The following STARD9 variants were observed in gnomAD, a reference collection of about 807,000 sequenced individuals.
The protein encoded by STARD9 is StAR related lipid transfer domain containing 9, also known as stAR-related lipid transfer protein 9.
Under a neutral mutation model 399.8 loss-of-function variants are expected in STARD9, and 346 were observed. That is an observed-to-expected ratio of 0.87 (90% CI 0.79 to 0.95). The LOEUF (loss-of-function observed/expected upper bound fraction) is 0.95. Among genes scored for constraint, STARD9 ranks in the 40% least tolerant of loss-of-function variants. The pLI, the probability that STARD9 is intolerant of heterozygous loss-of-function variation, is 0.00. For synonymous variants in STARD9, 2,203 were observed against 2,143.5 expected, an observed-to-expected ratio of 1.03 and a Z score of -0.77; for missense variants, 5,832 against 5,667.5, an observed-to-expected ratio of 1.03 and a Z score of -0.93.
chr15:42,581,283 T>C, intron 1 of STARD9: 1 of 1,048,646 alleles, frequency 9.5e-7, no homozygotes. Context: ...AGGTGGGGTC[T>C]GAGCCATGGA....
intron 26 of STARD9, among the ~76,000 whole-genome samples, chr15:42,713,148 A>T (rs936126460): frequency 2.6e-5 from 4 of 152,294 alleles, no homozygotes; most frequent in Non-Finnish European, 4.4e-5. Context: ...TATAAGTTTT[A>T]TGCTTATTTT....
At chr15:42,613,648 T>A (rs890387554) in intron 3 of STARD9, among the ~76,000 whole-genome samples, 1 of 152,160 alleles carries the variant, frequency 6.6e-6, no homozygotes, top group Admixed American at 6.5e-5. Context: ...CTGTTGTCAT[T>A]ATTGACTTCT....
At chr15:42,599,360 G>A (rs909406276) in intron 3 of STARD9, among the ~76,000 whole-genome samples, 2 of 152,154 alleles carry the variant, frequency 1.3e-5, no homozygotes, top group African/African-American at 2.4e-5. Context: ...GTGAGGGCTC[G>A]TTCTTTCTCA....
Position 42,685,719 on chromosome 15 carries a change from G to A in STARD9, c.4141G>A (p.Glu1381Lys), listed in dbSNP as rs778011944. 1.7e-5 allele frequency: 26 copies of A among 1,537,418 alleles called. No homozygotes were observed. The highest frequency in any genetic ancestry group is 4.8e-5 in the South Asian group (4 of 84,056). Residue 1381 changes from glutamate (E) to lysine (K), a missense_variant, in exon 23 of 33, where the codon GAG becomes AAG. Physicochemically the swap from Glu to Lys is moderately conservative, Grantham distance 56. Transcript: ENST00000290607. ...GAGGCCTGGATACTGGCCAAATACT[G>A]AGGAACTAAAGCCATCAGATGCAGA... is the stretch of plus-strand genomic sequence containing the variant. ...GERPGYWPNT[E>K]ELKPSDAETV... is the part of the protein sequence containing the mutation.
chr15:42,691,254 T>C lies in STARD9; in HGVS notation c.9676T>C (p.Phe3226Leu), dbSNP rs1050170823. The C allele has an allele frequency of 2.3e-5, 36 of 1,537,104 alleles. No individual in the cohort carries two copies. Among genetic ancestry groups the C allele is most frequent in the Non-Finnish European group, 2.8e-5 (32 of 1,146,900 alleles). ...RDQASGGGEG[F>L]AQGVNPLPDE... The stretch of plus-strand genomic sequence containing the variant: ...CCAGGCTTCAGGTGGTGGAGAAGGC[T>C]TCGCCCAGGGTGTGAATCCCCTTCC... The change falls in exon 23 of 33, where the codon TTC becomes CTC. Residue 3226 changes from phenylalanine (F) to leucine (L), a missense_variant. By Grantham distance (22) the Phe-to-Leu change is conservative. Coordinates refer to ENST00000290607, the MANE Select transcript of STARD9 (RefSeq NM_020759.3).
chr15:42,680,064 G>A (rs1192662836), intron 20 of STARD9, among the ~76,000 whole-genome samples: 2 of 152,158 alleles, frequency 1.3e-5, no homozygotes, highest in African/African-American at 4.8e-5. Context: ...GCCTCTGGCA[G>A]AATCTGACTC....
chr15:42,663,055 G>C, intron 11 of STARD9, 164 bp downstream of exon 11: 1 of 692,412 alleles, frequency 1.4e-6, no homozygotes, highest in South Asian at 2.0e-5. Context: ...GTAGAATGCT[G>C]TCCTACTACC....
Position 42,686,734 on chromosome 15 carries a change from T to G in STARD9, c.5156T>G (p.Leu1719Arg). 1.3e-6 allele frequency: 2 copies of G among 1,537,574 alleles called. No homozygotes were observed. The highest frequency in any genetic ancestry group is 1.2e-5 in the South Asian group (1 of 84,036). The change falls in exon 23 of 33, where the codon CTT becomes CGT. Residue 1719 changes from leucine (L) to arginine (R), a missense_variant. This residue lies in a region of STARD9 where 5,828 missense variants were observed against 5,651.1 expected (regional missense o/e 1.03). Coordinates refer to ENST00000290607, the MANE Select transcript of STARD9 (RefSeq NM_020759.3). ...VRRHINVSFA[L>R]PSGPELYLHS... The stretch of plus-strand genomic sequence containing the variant: ...AGACACATAAATGTTTCCTTTGCCC[T>G]TCCTTCAGGTCCAGAGCTATACCTT...
At chr15:42,621,198 C>T (rs1008954700) in intron 3 of STARD9, among the ~76,000 whole-genome samples, 1 of 152,022 alleles carries the variant, frequency 6.6e-6, no homozygotes, top group Non-Finnish European at 1.5e-5. Flanking sequence ...GTTACTCTTT[C>T]TCTTCTTTGT....
At chr15:42,619,417 T>A (rs1196200263) in intron 3 of STARD9, among the ~76,000 whole-genome samples, 3 of 151,944 alleles carry the variant, frequency 2.0e-5, no homozygotes, top group Non-Finnish European at 4.4e-5. Flanking sequence ...AAAAAAAAAT[T>A]AGCCGGGCAT....
rs1179318725 is a variant in STARD9, at chr15:42,682,197, C to T, written c.2159C>T (p.Ser720Phe). 1.3e-6 allele frequency: 2 copies of T among 1,537,272 alleles called. No individual in the cohort carries two copies. The highest frequency in any genetic ancestry group is 2.0e-5 in the Admixed American group (1 of 51,012). ...GTAGCAGAGAAAGAACTTGAGGCATCTGTGGCACTTGATGCTTGGCTTCAG... is the reference window on the plus strand; with the variant it reads ...GTAGCAGAGAAAGAACTTGAGGCATTTGTGGCACTTGATGCTTGGCTTCAG... ...DQVAEKELEA[S>F]VALDAWLQTD... Residue 720 changes from serine to phenylalanine, a missense_variant, in exon 22 of 33, where the codon TCT (serine) becomes TTT (phenylalanine). By Grantham distance (155) the Ser-to-Phe change is radical. This residue lies in a region of STARD9 where 5,828 missense variants were observed against 5,651.1 expected (regional missense o/e 1.03). Coordinates refer to ENST00000290607, the MANE Select transcript of STARD9 (RefSeq NM_020759.3).
Position 42,687,545 on chromosome 15 carries a change from TAGCTC to T in STARD9, c.5970_5974del (p.Ser1990ArgfsTer4). On this transcript the variant is annotated frameshift_variant, in exon 23 of 33. Coordinates refer to ENST00000290607, the MANE Select transcript of STARD9 (RefSeq NM_020759.3). LOFTEE classifies it high-confidence loss of function. Reference sequence around the variant, plus strand: ...TTGAAAAAGGTCTTCGTCCCAAAGATAGCTCAGAAGAGTTTAAGCTTCCAGGTACA... The same window carrying T: ...TTGAAAAAGGTCTTCGTCCCAAAGATAGAAGAGTTTAAGCTTCCAGGTACA... The T allele has an allele frequency of 6.5e-7, 1 of 1,536,998 alleles. No homozygotes were observed. The highest frequency in any genetic ancestry group is 1.4e-5 in the African/African-American group (1 of 73,156).
At chr15:42,642,797 G>A (rs989714831) in intron 7 of STARD9, among the ~76,000 whole-genome samples, 2 of 151,862 alleles carry the variant, frequency 1.3e-5, no homozygotes, top group African/African-American at 2.4e-5. Flanking sequence ...AGTTTTTTTT[G>A]TGGTGGTGTT....
At position 42,638,057 on chromosome 15, in the gene STARD9, C is replaced by T. The variant is rs1485608774; in HGVS notation, c.416C>T (p.Ser139Leu). 6.5e-7 allele frequency: 1 copy of T among 1,537,332 alleles called. No homozygotes were observed. The highest frequency in any genetic ancestry group is 2.0e-5 in the Admixed American group (1 of 50,986). ...TTCGTCAGGGAGAAAGACTGTGCCT[C>T]ACTGCCTTCCTCCTGTAGGATAAAA... ...GLFVREKDCA[S>L]LPSSCRIKVS... Residue 139 changes from serine (S) to leucine (L), a missense_variant, in exon 6 of 33, where the codon TCA (serine) becomes TTA (leucine). Ser to Leu is a moderately radical substitution (Grantham distance 145). Transcript: ENST00000290607.
At chr15:42,677,158 G>GGAGGCT (rs1469648901) in intron 20 of STARD9, among the ~76,000 whole-genome samples, 1 of 149,466 alleles carries the variant, frequency 6.7e-6, no homozygotes, top group Non-Finnish European at 1.5e-5. Flanking sequence ...TAGCCACTCA[G>GGAGGCT]GAGGCTGAGG....
chr15:42,621,480 C>T (rs1049050270), intron 3 of STARD9, among the ~76,000 whole-genome samples: 11 of 152,174 alleles, frequency 7.2e-5, no homozygotes, highest in Non-Finnish European at 1.3e-4. Context: ...CCTAGAACTA[C>T]GATAGGTTCA....
intron 2 of STARD9, 105 bp downstream of exon 2, chr15:42,583,520 G>A (rs2058215471): frequency 1.3e-6 from 1 of 777,868 alleles, no homozygotes; most frequent in Non-Finnish European, 2.1e-6. Flanking sequence ...GAGTTGGGGA[G>A]GAAGGGGTAT....
At chr15:42,610,363 T>C (rs965276280) in intron 3 of STARD9, among the ~76,000 whole-genome samples, 1 of 152,110 alleles carries the variant, frequency 6.6e-6, no homozygotes, top group Non-Finnish European at 1.5e-5. Context: ...AAGCCCTCTT[T>C]CCTTTCGGCA....
intron 7 of STARD9, among the ~76,000 whole-genome samples, chr15:42,642,075 T>C (rs185982785): frequency 6.6e-6 from 1 of 152,334 alleles, no homozygotes; most frequent in East Asian, 1.9e-4. Flanking sequence ...ATATATCTTA[T>C]CTATCTGCCT....
Sources: allele counts gnomAD v4.1 joint callset (sites outside exome capture counted in the v4.1 genomes callset), GRCh38; gene constraint gnomAD v4.1.1; regional missense constraint gnomAD v4.1.1; transcripts MANE v1.5; gene names NCBI Gene and HGNC (gene_info 2026-07-23, HGNC 2026-07-21).